The following ARSF variants were observed in gnomAD, a reference collection of about 807,000 sequenced individuals.
ARSF encodes arylsulfatase F.
Under a neutral mutation model 35.4 loss-of-function variants are expected in ARSF, and 33 were observed. The observed-to-expected ratio is 0.93, with a 90% confidence interval of 0.71 to 1.25. The LOEUF (loss-of-function observed/expected upper bound fraction) is 1.25. Ranked by LOEUF, ARSF falls within the 50% of genes most tolerant of loss-of-function variation. ARSF has a pLI of 0.00. For synonymous variants in ARSF, 222 were observed against 193.1 expected, an observed-to-expected ratio of 1.15 and a Z score of -1.24; for missense variants, 501 against 480.2, an observed-to-expected ratio of 1.04 and a Z score of -0.40.
Position 3,086,794 on chromosome X carries a change from G to A in ARSF, c.830+2128G>A, listed in dbSNP as rs888756204. Among the ~76,000 whole-genome samples the A allele has an allele frequency of 3.6e-5, 4 of 111,541 alleles. No homozygotes were observed. The East Asian group carries it at 1.1e-3, about 31-fold the overall frequency. ...GATTGCACCACTGCACTCCAGTCTG[G>A]GCAACAGAGTGAGGCCCTGTCTTAA... On this transcript the variant is annotated intron_variant, in intron 6 of 10. Coordinates refer to ENST00000381127, the MANE Select transcript of ARSF (RefSeq NM_001201539.2).
intron 9 of ARSF, among the ~76,000 whole-genome samples, chrX:3,107,055 A>T: frequency 8.9e-6 from 1 of 112,270 alleles, no homozygotes; most frequent in Non-Finnish European, 1.9e-5. Context: ...CAATGTATGT[A>T]AATGCCACAT....
intron 10 of ARSF, among the ~76,000 whole-genome samples, chrX:3,111,632 G>A (rs2090445689): frequency 9.0e-6 from 1 of 110,806 alleles, no homozygotes; most frequent in South Asian, 3.9e-4. Flanking sequence ...CTGCAGACTG[G>A]GGTGGGGGAT....
intron 7 of ARSF, among the ~76,000 whole-genome samples, chrX:3,098,146 AT>A (rs1168038149): frequency 9.4e-6 from 1 of 106,592 alleles, no homozygotes; most frequent in Non-Finnish European, 1.9e-5. Flanking sequence ...TATTTTTTTA[AT>A]TGAGACAGGG....
intron 1 of ARSF, among the ~76,000 whole-genome samples, chrX:3,051,498 G>A (rs59809914): frequency 0.063 from 7,094 of 112,044 alleles, 304 homozygotes; most frequent in African/African-American, 0.15. Context: ...GTGATGAAAC[G>A]TAAATGGTTC....
chrX:3,095,955 C>A (rs933811970), intron 7 of ARSF, among the ~76,000 whole-genome samples: 1 of 107,340 alleles, frequency 9.3e-6, no homozygotes, highest in African/African-American at 3.3e-5. Context: ...ATATATCTAA[C>A]AATATAACTT....
At chrX:3,056,162 A>G (rs995539022) in intron 1 of ARSF, among the ~76,000 whole-genome samples, 55 of 110,544 alleles carry the variant, frequency 5.0e-4, no homozygotes, top group African/African-American at 1.6e-3. Flanking sequence ...GGGTCTCACT[A>G]GTTGCCCAGG....
In ARSF at chrX:3,101,238, A is replaced by G; in HGVS notation, c.1102+17A>G. On this transcript the variant is annotated intron_variant, in intron 8 of 10. Coordinates refer to ENST00000381127, the MANE Select transcript of ARSF (RefSeq NM_001201539.2). ...TATACAAAGGTGAGGAGAGGAACTC[A>G]TGCAAGTGATCTGGTGGTGAATAAG... 1 of 1,203,410 alleles carries G rather than the reference A, an allele frequency of 8.3e-7. No individual in the cohort carries two copies. Among genetic ancestry groups the G allele is most frequent in the Non-Finnish European group, 1.1e-6 (1 of 890,546 alleles).
chrX:3,098,982 T>C (rs189189226), intron 7 of ARSF, among the ~76,000 whole-genome samples: 12 of 110,495 alleles, frequency 1.1e-4, no homozygotes, highest in Non-Finnish European at 2.3e-4. Context: ...TCTTTCCCAA[T>C]TGTTAGCAAT....
chrX:3,095,999 T>C (rs1211792299), intron 7 of ARSF, among the ~76,000 whole-genome samples: 2 of 108,425 alleles, frequency 1.8e-5, no homozygotes, highest in Non-Finnish European at 3.8e-5. Context: ...TAAATACATA[T>C]ATACTACATG....
chrX:3,112,032 G>T, intron 10 of ARSF, 142 bp from the exon 11 acceptor site: 1 of 462,066 alleles, frequency 2.2e-6, no homozygotes, highest in Non-Finnish European at 3.7e-6. Context: ...CCTCCTGTGT[G>T]TGACCAGGTT....
chrX:3,076,674 G>T lies in ARSF; in HGVS notation c.283+5G>T. On this transcript the variant is annotated splice_donor_5th_base_variant and intron_variant, in intron 4 of 10. Coordinates refer to ENST00000381127, the MANE Select transcript of ARSF (RefSeq NM_001201539.2). The stretch of plus-strand genomic sequence containing the variant: ...GAAGATACCCCATCCGATCAGGTGC[G>T]CAAACTGGCGGGCTCTGCTGGGCTC... The T allele has an allele frequency of 8.3e-7, 1 of 1,209,132 alleles. No individual in the cohort carries two copies. Among genetic ancestry groups the T allele is most frequent in the Non-Finnish European group, 1.1e-6 (1 of 894,254 alleles).
At chrX:3,075,088 A>G (rs2090136096) in intron 3 of ARSF, among the ~76,000 whole-genome samples, 1 of 112,245 alleles carries the variant, frequency 8.9e-6, no homozygotes, top group East Asian at 2.8e-4. Context: ...AGGGAAATGT[A>G]TCTATCAAAC....
At chrX:3,062,493 A>C (rs1056204229) in intron 1 of ARSF, among the ~76,000 whole-genome samples, 10 of 111,570 alleles carry the variant, frequency 9.0e-5, no homozygotes, top group African/African-American at 2.9e-4. Context: ...AAAACCCTTC[A>C]AAAAAATCAA....
At chrX:3,087,309 T>A (rs1203149559) in intron 6 of ARSF, among the ~76,000 whole-genome samples, 3 of 111,980 alleles carry the variant, frequency 2.7e-5, no homozygotes, top group Non-Finnish European at 5.6e-5. Flanking sequence ...TTTTAAATAT[T>A]TAATGTTCAG....
intron 4 of ARSF, among the ~76,000 whole-genome samples, chrX:3,079,669 G>T (rs140856904): frequency 0.017 from 1,865 of 109,717 alleles, 23 homozygotes; most frequent in Non-Finnish European, 0.028. Context: ...TAAAGGTGAG[G>T]GAAGTGGGCT....
At chrX:3,088,418 C>A (rs1197498209) in intron 6 of ARSF, among the ~76,000 whole-genome samples, 1 of 111,807 alleles carries the variant, frequency 8.9e-6, no homozygotes, top group African/African-American at 3.2e-5. Context: ...ATCAAAGGAA[C>A]TGTGATGGTG....
At chrX:3,046,139 G>A (rs984086242) in intron 1 of ARSF, among the ~76,000 whole-genome samples, 4 of 111,512 alleles carry the variant, frequency 3.6e-5, no homozygotes, top group Non-Finnish European at 5.6e-5. Context: ...GCCCGCCTCG[G>A]CCTCCCAGAG....
intron 1 of ARSF, among the ~76,000 whole-genome samples, chrX:3,054,065 C>T (rs2090007855): frequency 9.3e-6 from 1 of 107,688 alleles, no homozygotes; most frequent in Non-Finnish European, 2.0e-5. Context: ...CCCAGCCTAC[C>T]TACTGGACTT....
chrX:3,097,907 G>A lies in ARSF; in HGVS notation c.968-3180G>A, dbSNP rs143577730. Among the ~76,000 whole-genome samples the A allele has an allele frequency of 4.8e-3, 535 of 110,644 alleles. 3 individuals carry two copies. Among genetic ancestry groups the A allele is most frequent in the African/African-American group, 0.016 (481 of 30,429 alleles). ...TAGCTGGGTGTGGTGGCGCATGCCT[G>A]CAGCTGAGGCAGGAGAAATGCTTGA... On this transcript the variant is annotated intron_variant, in intron 7 of 10. Coordinates refer to ENST00000381127, the MANE Select transcript of ARSF (RefSeq NM_001201539.2).
Sources: allele counts gnomAD v4.1 joint callset (sites outside exome capture counted in the v4.1 genomes callset), GRCh38; gene constraint gnomAD v4.1.1; transcripts MANE v1.5; gene names NCBI Gene and HGNC (gene_info 2026-07-23, HGNC 2026-07-21).